The following B3GLCT variants were observed in gnomAD, a reference collection of about 807,000 sequenced individuals.
B3GLCT encodes beta-1,3-glucosyltransferase.
A neutral mutation model predicts 63.4 loss-of-function variants in B3GLCT; 65 were observed. The ratio of observed to expected loss-of-function variants is 1.03; its 90% CI spans 0.84 to 1.26. B3GLCT has a LOEUF of 1.26. Ranked by LOEUF, B3GLCT falls within the 50% of genes most tolerant of loss-of-function variation. B3GLCT has a pLI of 0.00. For synonymous variants in B3GLCT, 233 were observed against 219.2 expected (o/e 1.06, Z -0.55); for missense variants, 577 against 604.8 (o/e 0.95, Z 0.48).
intron 3 of B3GLCT, among the ~76,000 whole-genome samples, chr13:31,224,530 C>A (rs1869992810): frequency 1.3e-5 from 2 of 152,162 alleles, no homozygotes; most frequent in Admixed American, 6.5e-5. Context: ...CAGGAGGCTA[C>A]TAAAGATCCT....
At chr13:31,232,974 T>C (rs1044760300) in intron 4 of B3GLCT, among the ~76,000 whole-genome samples, 1 of 152,246 alleles carries the variant, frequency 6.6e-6, no homozygotes, top group Non-Finnish European at 1.5e-5. Flanking sequence ...ACATACAGTA[T>C]GGACCTTTGG....
rs747050938 is a variant in B3GLCT at position 31,247,027 on chromosome 13, TC to T, written c.279del (p.Ser94ValfsTer26). 2 of 1,610,000 alleles carry T rather than the reference TC, an allele frequency of 1.2e-6. No homozygotes were observed. Among genetic ancestry groups the T allele is most frequent in the African/African-American group, 2.7e-5 (2 of 74,498 alleles). On this transcript the variant is annotated frameshift_variant, in exon 5 of 15. Transcript: ENST00000343307. LOFTEE classifies it high-confidence loss of function. ...CTTTGATCATTGTTTTCTCAGGAGC[TC>T]CCCAGTGTCCTCCTCCTTCATCAGC... ...LKQAADLTQE[L>X]PSVLLLHQLA...
chr13:31,322,515 A>G (rs1260131986), intron 13 of B3GLCT, among the ~76,000 whole-genome samples: 2 of 152,334 alleles, frequency 1.3e-5, no homozygotes, highest in Non-Finnish European at 2.9e-5. Context: ...CGATGATATG[A>G]CTGGTAGTTT....
chr13:31,294,705 C>A (rs903519297), intron 12 of B3GLCT, among the ~76,000 whole-genome samples: 2 of 152,026 alleles, frequency 1.3e-5, no homozygotes, highest in Non-Finnish European at 2.9e-5. Flanking sequence ...GTTAGCAATT[C>A]GTCTAACCTT....
chr13:31,316,433 A>AAT lies in B3GLCT; in HGVS notation c.1065-1133_1065-1132insAT, dbSNP rs1875034237. Among the ~76,000 whole-genome samples the AAT allele has an allele frequency of 2.0e-4, 23 of 114,446 alleles. 1 individual carries two copies. Among genetic ancestry groups the AAT allele is most frequent in the African/African-American group, 6.6e-4 (20 of 30,374 alleles). 75.1% of individuals were successfully genotyped at this position (114,446 alleles called of 152,430 possible). On this transcript the variant is annotated intron_variant, in intron 12 of 14. Transcript: ENST00000343307. ...TATATATATATATATATATATATAAATTTTTTTTTTTTGAGACGGAGTTTC... is the reference window on the plus strand; with the variant it reads ...TATATATATATATATATATATATAAAATTTTTTTTTTTTTGAGACGGAGTTTC...
intron 7 of B3GLCT, among the ~76,000 whole-genome samples, chr13:31,263,193 C>A (rs1872127644): frequency 6.6e-6 from 1 of 152,204 alleles, no homozygotes; most frequent in South Asian, 2.1e-4. Flanking sequence ...TCCTTATAGT[C>A]TAGAGTTTTA....
At chr13:31,263,412 T>C (rs1490109155) in intron 7 of B3GLCT, among the ~76,000 whole-genome samples, 1 of 152,212 alleles carries the variant, frequency 6.6e-6, no homozygotes, top group East Asian at 1.9e-4. Context: ...CATCCCTATA[T>C]AGGGCAGTTC....
At chr13:31,322,240 A>C (rs965997675) in intron 13 of B3GLCT, among the ~76,000 whole-genome samples, 2 of 152,254 alleles carry the variant, frequency 1.3e-5, no homozygotes, top group Admixed American at 6.5e-5. Flanking sequence ...AAGAGGCCGC[A>C]GGCAGTGTTA....
chr13:31,310,462 C>T (rs1350803706), intron 12 of B3GLCT, among the ~76,000 whole-genome samples: 2 of 152,204 alleles, frequency 1.3e-5, no homozygotes, highest in Non-Finnish European at 2.9e-5. Context: ...GTGACACACT[C>T]CTGTTCACTA....
chr13:31,287,843 C>T (rs986511542), intron 12 of B3GLCT, among the ~76,000 whole-genome samples: 3 of 152,118 alleles, frequency 2.0e-5, no homozygotes, highest in African/African-American at 7.2e-5. Context: ...ATGAAAACTA[C>T]ATTCTTGATT....
chr13:31,274,496 T>A lies in B3GLCT; in HGVS notation c.661-13T>A. 6.2e-7 allele frequency: 1 copy of A among 1,614,222 alleles called. No individual in the cohort carries two copies. The highest frequency in any genetic ancestry group is 2.2e-5 in the East Asian group (1 of 44,880). Reference sequence around the variant, plus strand: ...AGTTCTTTCATCACTGCCTGTCTCCTGTCTCGTGGCAGATTGCCCTCTACA... The same window carrying A: ...AGTTCTTTCATCACTGCCTGTCTCCAGTCTCGTGGCAGATTGCCCTCTACA... On this transcript the variant is annotated splice_polypyrimidine_tract_variant and intron_variant, in intron 8 of 14. Transcript: ENST00000343307.
chr13:31,202,392 C>G (rs1370908140), intron 1 of B3GLCT, among the ~76,000 whole-genome samples: 1 of 152,156 alleles, frequency 6.6e-6, no homozygotes, highest in African/African-American at 2.4e-5. Context: ...TGGCTTTGAG[C>G]TTCAGTTTTC....
At chr13:31,266,766 ATTC>A (rs1243049745) in intron 7 of B3GLCT, among the ~76,000 whole-genome samples, 3 of 152,060 alleles carry the variant, frequency 2.0e-5, no homozygotes, top group Non-Finnish European at 4.4e-5. Context: ...TGTCTCAGAA[ATTC>A]TTTTTTATTT....
intron 7 of B3GLCT, among the ~76,000 whole-genome samples, chr13:31,263,138 C>T (rs576783163): frequency 6.6e-6 from 1 of 152,270 alleles, no homozygotes; most frequent in African/African-American, 2.4e-5. Context: ...CTCTTTTCTT[C>T]ATCACTGCCT....
intron 14 of B3GLCT, among the ~76,000 whole-genome samples, chr13:31,329,032 C>G (rs957274737): frequency 1.3e-5 from 2 of 152,146 alleles, no homozygotes; most frequent in African/African-American, 4.8e-5. Flanking sequence ...TTTCTTTCTT[C>G]GAATGACATC....
In B3GLCT at chr13:31,287,857, G is replaced by T. The variant is rs1206732790; in HGVS notation, c.1064+1038G>T. Among the ~76,000 whole-genome samples, 52 of 152,130 alleles carry T rather than the reference G, an allele frequency of 3.4e-4. 2 individuals are homozygous for T. The highest frequency in any genetic ancestry group is 3.4e-3 in the Admixed American group (52 of 15,272). ...GATGAAAACTACATTCTTGATTGAGGTGAAAAACCCACTGGATGGGTTTAA... is the reference window on the plus strand; with the variant it reads ...GATGAAAACTACATTCTTGATTGAGTTGAAAAACCCACTGGATGGGTTTAA... On this transcript the variant is annotated intron_variant, in intron 12 of 14. Transcript: ENST00000343307.
chr13:31,223,396 C>A (rs889146541), intron 3 of B3GLCT, among the ~76,000 whole-genome samples: 1 of 152,208 alleles, frequency 6.6e-6, no homozygotes, highest in East Asian at 1.9e-4. Context: ...CGTCCGGGAG[C>A]AGGCTGTCCA....
At chr13:31,248,064 C>A in intron 6 of B3GLCT, 98 bp downstream of exon 6, 2 of 708,072 alleles carry the variant, frequency 2.8e-6, no homozygotes, top group Non-Finnish European at 5.0e-6. Context: ...TAAAAAACCA[C>A]TTAGTTTAAA....
chr13:31,219,590 C>G (rs1869722693), intron 2 of B3GLCT, among the ~76,000 whole-genome samples: 1 of 152,202 alleles, frequency 6.6e-6, no homozygotes, highest in African/African-American at 2.4e-5. Flanking sequence ...TTCTCCACCA[C>G]TAGCCAGTTG....
Sources: allele counts gnomAD v4.1 joint callset (sites outside exome capture counted in the v4.1 genomes callset), GRCh38; gene constraint gnomAD v4.1.1; transcripts MANE v1.5; gene names NCBI Gene and HGNC (gene_info 2026-07-23, HGNC 2026-07-21).